DOCK1: variants seen among roughly 807,000 people sequenced by gnomAD.
The protein encoded by DOCK1 is dedicator of cytokinesis protein 1.
Under a neutral mutation model 262.7 loss-of-function variants are expected in DOCK1, and 138 were observed. The ratio of observed to expected loss-of-function variants is 0.53; its 90% CI spans 0.46 to 0.61. DOCK1 has a LOEUF of 0.61. Among genes scored for constraint, DOCK1 ranks in the 20% least tolerant of loss-of-function variants. DOCK1 has a pLI of 0.00. For synonymous variants in DOCK1, 866 were observed against 867.4 expected (o/e 1.00, Z 0.03); for missense variants, 1,908 against 2,370.7 (o/e 0.80, Z 4.05).
At chr10:126,953,662 A>G (rs1287495688) in intron 1 of DOCK1, among the ~76,000 whole-genome samples, 3 of 151,882 alleles carry the variant, frequency 2.0e-5, no homozygotes, top group Non-Finnish European at 4.4e-5. Flanking sequence ...CCTGGGAATG[A>G]GTGTGGGTAG....
intron 29 of DOCK1, among the ~76,000 whole-genome samples, chr10:127,306,016 T>G (rs2061860347): frequency 8.8e-6 from 1 of 113,456 alleles, no homozygotes; most frequent in Admixed American, 7.9e-5. Context: ...TTTTCCTGGT[T>G]TTTTTTTTTT....
At chr10:127,206,111 G>A (rs989296392) in intron 27 of DOCK1, among the ~76,000 whole-genome samples, 16 of 138,904 alleles carry the variant, frequency 1.2e-4, no homozygotes, top group African/African-American at 4.2e-4. Context: ...CTATTACATT[G>A]TCATCTACCA....
At chr10:127,091,372 C>T (rs376106520) in intron 23 of DOCK1, among the ~76,000 whole-genome samples, 3 of 152,118 alleles carry the variant, frequency 2.0e-5, no homozygotes, top group African/African-American at 7.2e-5. Context: ...AAAGGATATT[C>T]GTTTTATTGC....
At chr10:127,294,729 A>G (rs1590315334) in intron 29 of DOCK1, among the ~76,000 whole-genome samples, 1 of 151,020 alleles carries the variant, frequency 6.6e-6, no homozygotes, top group African/African-American at 2.4e-5. Context: ...GATCACTGCA[A>G]CCTCCGCCTC....
intron 27 of DOCK1, among the ~76,000 whole-genome samples, chr10:127,242,466 G>C (rs929422049): frequency 1.3e-5 from 2 of 152,056 alleles, no homozygotes; most frequent in Non-Finnish European, 2.9e-5. Context: ...TATCTTATCA[G>C]CTCTAAGAAC....
intron 23 of DOCK1, among the ~76,000 whole-genome samples, chr10:127,094,912 G>T (rs1361891100): frequency 6.6e-6 from 1 of 152,204 alleles, no homozygotes; most frequent in African/African-American, 2.4e-5. Context: ...AAGCTGTCTA[G>T]ACAGGTGACC....
At chr10:127,251,277 C>G (rs1351183084) in intron 28 of DOCK1, among the ~76,000 whole-genome samples, 1 of 152,092 alleles carries the variant, frequency 6.6e-6, no homozygotes, top group East Asian at 1.9e-4. Flanking sequence ...CCACGCCCGG[C>G]TTACTCTGAC....
chr10:126,949,646 TAGAC>T (rs1247301930), intron 1 of DOCK1, among the ~76,000 whole-genome samples: 4 of 152,146 alleles, frequency 2.6e-5, no homozygotes, highest in African/African-American at 4.8e-5. Context: ...AAATTCATGT[TAGAC>T]AGCAAAATGT....
chr10:127,427,680 C>A (rs1156858820), intron 47 of DOCK1, among the ~76,000 whole-genome samples: 1 of 152,186 alleles, frequency 6.6e-6, no homozygotes, highest in South Asian at 2.1e-4. Context: ...TTTGGCACCA[C>A]AGAGCTTCTC....
chr10:126,932,618 G>A (rs2034267746), intron 1 of DOCK1, among the ~76,000 whole-genome samples: 1 of 152,118 alleles, frequency 6.6e-6, no homozygotes, highest in Admixed American at 6.5e-5. Context: ...GGGGAAACAA[G>A]GCCCAGCAGT....
At chr10:127,064,070 G>A (rs2045705963) in intron 23 of DOCK1, among the ~76,000 whole-genome samples, 1 of 152,206 alleles carries the variant, frequency 6.6e-6, no homozygotes, top group Admixed American at 6.5e-5. Flanking sequence ...GTTTTGCTGT[G>A]TCTAAATGGA....
At chr10:127,280,224 C>T (rs1026247831) in intron 29 of DOCK1, among the ~76,000 whole-genome samples, 152 of 151,254 alleles carry the variant, frequency 1.0e-3, no homozygotes, top group Non-Finnish European at 1.8e-3. Flanking sequence ...TTAGTAGAGA[C>T]GGGGTTTCAC....
intron 15 of DOCK1, chr10:127,026,099 T>C (rs1252463201): frequency 7.0e-6 from 3 of 430,076 alleles, no homozygotes; most frequent in East Asian, 5.0e-5. Flanking sequence ...TTAACAGTAA[T>C]GGTCAGAGCA....
chr10:126,935,923 A>G (rs2134212903), intron 1 of DOCK1, among the ~76,000 whole-genome samples: 1 of 152,356 alleles, frequency 6.6e-6, no homozygotes, highest in African/African-American at 2.4e-5. Flanking sequence ...AACTTTTTAA[A>G]GATTTGTGTG....
intron 13 of DOCK1, among the ~76,000 whole-genome samples, chr10:127,021,501 A>G (rs2135434271): frequency 6.6e-6 from 1 of 152,246 alleles, no homozygotes; most frequent in African/African-American, 2.4e-5. Context: ...TTGTGCCTTG[A>G]TAGAATTTTT....
At chr10:127,331,836 C>T (rs981999860) in intron 29 of DOCK1, among the ~76,000 whole-genome samples, 4 of 152,158 alleles carry the variant, frequency 2.6e-5, no homozygotes, top group African/African-American at 9.7e-5. Flanking sequence ...ATCCCAAAGC[C>T]TCCATTTCCT....
At chr10:127,195,199 G>T (rs1237986504) in intron 27 of DOCK1, among the ~76,000 whole-genome samples, 3 of 152,194 alleles carry the variant, frequency 2.0e-5, no homozygotes, top group African/African-American at 4.8e-5. Flanking sequence ...GAACCAGCAA[G>T]ATGCAGACTC....
intron 27 of DOCK1, among the ~76,000 whole-genome samples, chr10:127,240,646 T>C (rs2059232082): frequency 6.6e-6 from 1 of 152,230 alleles, no homozygotes; most frequent in African/African-American, 2.4e-5. Context: ...CACTATCCTC[T>C]GTCCTCATTT....
At chr10:127,081,530 G>C (rs544592082) in intron 23 of DOCK1, among the ~76,000 whole-genome samples, 26 of 152,060 alleles carry the variant, frequency 1.7e-4, no homozygotes, top group South Asian at 1.0e-3. Flanking sequence ...TGTGTTTCTT[G>C]TGTGTTTCTG....
Sources: allele counts gnomAD v4.1 joint callset (sites outside exome capture counted in the v4.1 genomes callset), GRCh38; gene constraint gnomAD v4.1.1; transcripts MANE v1.5; gene names NCBI Gene and HGNC (gene_info 2026-07-23, HGNC 2026-07-21).